The following SPIDR variants were observed in gnomAD, a reference collection of about 807,000 sequenced individuals.
SPIDR encodes the protein scaffold protein involved in DNA repair.
In SPIDR, 93 loss-of-function variants were observed where a neutral mutation model predicts 104.6. The ratio of observed to expected loss-of-function variants is 0.89; its 90% CI spans 0.75 to 1.06. The LOEUF (loss-of-function observed/expected upper bound fraction) is 1.06, where lower values mean the gene tolerates loss of function less well. Ranked by LOEUF, SPIDR falls within the 50% of genes least tolerant of loss-of-function variation. The pLI is 0.00. For synonymous variants in SPIDR, 431 were observed against 416.9 expected (o/e 1.03, Z -0.41); for missense variants, 1,154 against 1,111.2 (o/e 1.04, Z -0.55).
intron 7 of SPIDR, among the ~76,000 whole-genome samples, chr8:47,433,403 A>G (rs922508411): frequency 2.2e-4 from 34 of 152,206 alleles, no homozygotes; most frequent in African/African-American, 8.2e-4. Context: ...ACATCTGAAG[A>G]TAGAAGACCT....
chr8:47,575,572 G>A (rs1341757408), intron 8 of SPIDR, among the ~76,000 whole-genome samples: 10 of 150,976 alleles, frequency 6.6e-5, no homozygotes, highest in African/African-American at 1.9e-4. Flanking sequence ...GCGTGAACCC[G>A]GGAGGCGGAG....
At position 47,654,167 on chromosome 8, in the gene SPIDR, C is replaced by T. The variant is rs1229552062; in HGVS notation, c.1545-19634C>T. The T allele has an allele frequency of 3.9e-6, 5 of 1,289,666 alleles. No homozygotes were observed. In the East Asian group the frequency reaches 2.2e-4, roughly 57 times the overall value. 79.9% of individuals were successfully genotyped at this position (1,289,666 alleles called of 1,614,324 possible). A position where few individuals can be genotyped will look rare whatever the true frequency, so the allele number is the denominator to read the frequency against. ...CTGGCCAGGTGAGTGACATGATTAA[C>T]TCTATTCGATAAGAAGGAGCACTGT... On this transcript the variant is annotated intron_variant, in intron 10 of 19. Transcript: ENST00000297423.
In SPIDR at chr8:47,272,690, G is replaced by T. The variant is rs987591913; in HGVS notation, c.34-7172G>T. ...TTTTCCTGGGCACGTGCGTAGTGATGCAGGGTTTTTTGCTCCTTAGTTCAG... is the reference window on the plus strand; with the variant it reads ...TTTTCCTGGGCACGTGCGTAGTGATTCAGGGTTTTTTGCTCCTTAGTTCAG... On this transcript the variant is annotated intron_variant, in intron 1 of 19. Transcript: ENST00000297423. 7.2e-5 allele frequency among the ~76,000 whole-genome samples: 11 copies of T among 152,224 alleles called. No individual in the cohort carries two copies. The East Asian group carries it at 2.1e-3, about 29-fold the overall frequency.
intron 5 of SPIDR, among the ~76,000 whole-genome samples, chr8:47,357,595 A>G (rs537286427): frequency 5.3e-5 from 8 of 152,350 alleles, no homozygotes; most frequent in Non-Finnish European, 8.8e-5. Context: ...TTTCTGTGGT[A>G]TGATGGAGCA....
At chr8:47,583,534 C>T (rs546134294) in intron 8 of SPIDR, among the ~76,000 whole-genome samples, 1 of 152,174 alleles carries the variant, frequency 6.6e-6, no homozygotes, top group East Asian at 1.9e-4. Context: ...ACAATGAGAT[C>T]TGTAGAGAGA....
intron 6 of SPIDR, among the ~76,000 whole-genome samples, chr8:47,398,299 G>T (rs2061466774): frequency 6.6e-6 from 1 of 152,178 alleles, no homozygotes; most frequent in Admixed American, 6.5e-5. Flanking sequence ...CACTGTTCAT[G>T]CACAGGAGCA....
chr8:47,267,887 G>A (rs1199014013), intron 1 of SPIDR, among the ~76,000 whole-genome samples: 1 of 152,022 alleles, frequency 6.6e-6, no homozygotes, highest in African/African-American at 2.4e-5. Context: ...GCTTTTCGGT[G>A]TCATGTCTAA....
chr8:47,695,977 C>T (rs537953318), intron 11 of SPIDR, among the ~76,000 whole-genome samples: 29 of 152,294 alleles, frequency 1.9e-4, no homozygotes, highest in Admixed American at 5.2e-4. Flanking sequence ...CTTCTTGGTC[C>T]GCAGCTGATT....
intron 7 of SPIDR, among the ~76,000 whole-genome samples, chr8:47,418,549 A>G (rs1003917771): frequency 1.3e-5 from 2 of 152,210 alleles, no homozygotes; most frequent in Non-Finnish European, 1.5e-5. Flanking sequence ...TAGATATACA[A>G]TCATGTCATC....
At chr8:47,551,203 T>C (rs2154397168) in intron 8 of SPIDR, among the ~76,000 whole-genome samples, 1 of 152,334 alleles carries the variant, frequency 6.6e-6, no homozygotes, top group Non-Finnish European at 1.5e-5. Flanking sequence ...CACATGGATG[T>C]TCATCAGGGA....
At chr8:47,337,108 T>TTG (rs1170180000) in intron 5 of SPIDR, among the ~76,000 whole-genome samples, 2 of 152,068 alleles carry the variant, frequency 1.3e-5, no homozygotes, top group Non-Finnish European at 2.9e-5. Flanking sequence ...TTCAATTGGC[T>TTG]TGTGTGTGTG....
chr8:47,313,813 C>T (rs1194729913), intron 5 of SPIDR, among the ~76,000 whole-genome samples: 1 of 152,162 alleles, frequency 6.6e-6, no homozygotes, highest in African/African-American at 2.4e-5. Flanking sequence ...AGAAATAATG[C>T]AGGCCAGCAG....
At chr8:47,453,310 T>C (rs1554707474) in intron 8 of SPIDR, among the ~76,000 whole-genome samples, 1 of 152,190 alleles carries the variant, frequency 6.6e-6, no homozygotes, top group African/African-American at 2.4e-5. Context: ...TTTATGGATT[T>C]AATGCCACCC....
In SPIDR at chr8:47,599,119, G is replaced by T. The variant is rs1554825470; in HGVS notation, c.1467G>T (p.Val489=). The T allele has an allele frequency of 1.9e-5, 31 of 1,613,196 alleles. No individual in the cohort carries two copies. The highest frequency in any genetic ancestry group is 2.6e-5 in the Non-Finnish European group (31 of 1,179,674). The change falls in exon 10 of 20, where the codon GTG becomes GTT. Residue 489 remains valine, a synonymous_variant. Transcript: ENST00000297423. ...GAGVRVVVQR[V]YSLPSRDSTR... The stretch of plus-strand genomic sequence containing the variant: ...GAGTCCGAGTGGTGGTGCAAAGAGT[G>T]TATTCTCTTCCCAGCAGAGACAGCA...
chr8:47,715,875 A>G (rs1394068934), intron 16 of SPIDR, among the ~76,000 whole-genome samples: 1 of 152,024 alleles, frequency 6.6e-6, no homozygotes, highest in Admixed American at 6.5e-5. Flanking sequence ...TTGCTAAGTC[A>G]TATGGTAACC....
intron 16 of SPIDR, among the ~76,000 whole-genome samples, chr8:47,718,432 G>A (rs779532538): frequency 4.0e-5 from 6 of 151,836 alleles, no homozygotes; most frequent in South Asian, 2.1e-4. Flanking sequence ...TTCTGACTAA[G>A]CCAGTTGTAT....
intron 8 of SPIDR, among the ~76,000 whole-genome samples, chr8:47,483,668 A>G (rs1371044782): frequency 2.0e-5 from 3 of 152,214 alleles, no homozygotes; most frequent in Non-Finnish European, 4.4e-5. Context: ...TGTGAAGGTT[A>G]ATGTATGCTC....
intron 10 of SPIDR, among the ~76,000 whole-genome samples, chr8:47,663,674 A>C (rs2074453726): frequency 6.6e-6 from 1 of 152,226 alleles, no homozygotes; most frequent in Non-Finnish European, 1.5e-5. Context: ...AAGATGTCTC[A>C]AGAAATAACA....
intron 1 of SPIDR, among the ~76,000 whole-genome samples, chr8:47,263,315 T>G (rs2033010018): frequency 6.6e-6 from 1 of 152,252 alleles, no homozygotes; most frequent in Non-Finnish European, 1.5e-5. Context: ...TCACTGTACT[T>G]GCTTGCCCCT....
Sources: gnomAD v4.1 joint callset for allele counts (sites outside exome capture counted in the v4.1 genomes callset) on GRCh38, gnomAD v4.1.1 for gene constraint, MANE v1.5 for transcripts, NCBI Gene and HGNC (gene_info 2026-07-23, HGNC 2026-07-21) for gene names.